The following RALGAPA1 variants were observed in gnomAD, a reference collection of about 807,000 sequenced individuals.
The protein encoded by RALGAPA1 is Ral GTPase activating protein catalytic subunit alpha 1, also known as ral GTPase-activating protein subunit alpha-1.
Under a neutral mutation model 269.6 loss-of-function variants are expected in RALGAPA1, and 52 were observed. That is an observed-to-expected ratio of 0.19 (90% CI 0.15 to 0.24). The LOEUF is 0.24. Among genes scored for constraint, RALGAPA1 ranks in the 10% least tolerant of loss-of-function variants. The pLI is 1.00. For synonymous variants in RALGAPA1, 817 were observed against 1,008.3 expected (o/e 0.81, Z 3.60); for missense variants, 1,917 against 3,013.9 (o/e 0.64, Z 8.52).
chr14:35,802,280 C>A (rs1464569779), intron 1 of RALGAPA1, among the ~76,000 whole-genome samples: 2 of 152,100 alleles, frequency 1.3e-5, no homozygotes, highest in East Asian at 3.9e-4. Context: ...TGCACTCCAG[C>A]CTGGGCAACA....
chr14:35,719,510 C>T (rs2140935685), intron 16 of RALGAPA1, among the ~76,000 whole-genome samples: 1 of 152,148 alleles, frequency 6.6e-6, no homozygotes, highest in African/African-American at 2.4e-5. Context: ...TCACTATGAG[C>T]TATGAAGTCA....
intron 11 of RALGAPA1, 88 bp downstream of exon 11, chr14:35,742,280 G>A (rs2071631654): frequency 1.0e-6 from 1 of 957,372 alleles, no homozygotes; most frequent in Non-Finnish European, 1.6e-6. Context: ...CATTTAATAA[G>A]TATATTTGTG....
chr14:35,757,212 C>A (rs568642204), intron 6 of RALGAPA1, among the ~76,000 whole-genome samples: 2 of 151,484 alleles, frequency 1.3e-5, no homozygotes, highest in South Asian at 4.2e-4. Flanking sequence ...ACCTCCGCCT[C>A]CCAGGTTCAA....
intron 31 of RALGAPA1, among the ~76,000 whole-genome samples, chr14:35,646,000 CA>C: frequency 6.6e-6 from 1 of 151,826 alleles, no homozygotes; most frequent in East Asian, 1.9e-4. Context: ...TTTTGAGCAC[CA>C]AAATAAATAA....
At chr14:35,553,392 A>T (rs746178838) in intron 39 of RALGAPA1, among the ~76,000 whole-genome samples, 3 of 152,226 alleles carry the variant, frequency 2.0e-5, no homozygotes, top group Non-Finnish European at 2.9e-5. Context: ...GATACTGCAG[A>T]AGGTTATGCA....
At chr14:35,706,216 C>T (rs1402877657) in intron 16 of RALGAPA1, among the ~76,000 whole-genome samples, 1 of 152,056 alleles carries the variant, frequency 6.6e-6, no homozygotes, top group Admixed American at 6.6e-5. Context: ...ATTGCCAAAC[C>T]CAAGGTGTCC....
At chr14:35,729,733 G>C (rs1195760880) in intron 12 of RALGAPA1, among the ~76,000 whole-genome samples, 2 of 152,178 alleles carry the variant, frequency 1.3e-5, no homozygotes, top group African/African-American at 4.8e-5. Flanking sequence ...CTGAAAAACA[G>C]CCAGAGTATG....
chr14:35,753,848 C>T (rs1026464865), intron 7 of RALGAPA1, among the ~76,000 whole-genome samples: 25 of 152,084 alleles, frequency 1.6e-4, no homozygotes, highest in Admixed American at 2.0e-4. Context: ...CATCATATCT[C>T]AATAAAGCTG....
At chr14:35,584,216 G>A (rs943720782) in intron 37 of RALGAPA1, among the ~76,000 whole-genome samples, 1 of 152,062 alleles carries the variant, frequency 6.6e-6, no homozygotes, top group Non-Finnish European at 1.5e-5. Flanking sequence ...GGATGGAAAG[G>A]AGGGATTAGG....
At chr14:35,680,585 TTTA>T (rs2065344350) in intron 21 of RALGAPA1, among the ~76,000 whole-genome samples, 1 of 71,504 alleles carries the variant, frequency 1.4e-5, no homozygotes, top group East Asian at 1.0e-3. Context: ...TTTAATTTTA[TTTA>T]TTTATTTATT....
intron 27 of RALGAPA1, among the ~76,000 whole-genome samples, chr14:35,663,068 C>T (rs970008348): frequency 6.6e-6 from 1 of 151,994 alleles, no homozygotes; most frequent in African/African-American, 2.4e-5. Flanking sequence ...CCATGCCCAG[C>T]TAATTTTTTA....
Position 35,725,137 on chromosome 14 carries a change from C to G in RALGAPA1, c.1753G>C (p.Val585Leu), listed in dbSNP as rs1202411732. Residue 585 changes from valine to leucine, a missense_variant, in exon 14 of 42, where the codon GTG becomes CTG. By Grantham distance (32) the Val-to-Leu change is conservative (BLOSUM62 1). Transcript: ENST00000680220. Reference protein sequence around the residue: ...DKKTWEQMLLVLLRVTESVLK... With the variant: ...DKKTWEQMLLLLLRVTESVLK... The stretch of plus-strand genomic sequence containing the variant: ...ACAGATTCCGTGACTCTGAGCAACA[C>G]AAGCAGCATCTGTTCCCTTAAAATA... 6.3e-7 allele frequency: 1 copy of G among 1,575,064 alleles called. No homozygotes were observed. The highest frequency in any genetic ancestry group is 8.6e-7 in the Non-Finnish European group (1 of 1,160,438).
chr14:35,572,492 G>T, intron 38 of RALGAPA1, 68 bp downstream of exon 38: 1 of 1,245,982 alleles, frequency 8.0e-7, no homozygotes. Flanking sequence ...TCTGTAACAT[G>T]GAAAGAAACC....
At position 35,809,046 on chromosome 14, in the gene RALGAPA1, G is replaced by C; in HGVS notation, c.-211C>G. 1.2e-6 allele frequency: 1 copy of C among 814,676 alleles called. No individual in the cohort carries two copies. The highest frequency in any genetic ancestry group is 1.8e-6 in the Non-Finnish European group (1 of 543,218). The allele number at this position is 814,676 out of a possible 1,614,324, so 50.5% of individuals were successfully genotyped here. A position where few individuals can be genotyped will look rare whatever the true frequency, so the allele number is the denominator to read the frequency against. ...CGCGCCGCGGCTCCAAGGCACCTTC[G>C]GCCCCAGCTCCAATATGGCGGATCC... On this transcript the variant is annotated 5_prime_UTR_variant, in exon 1 of 42. Coordinates refer to ENST00000680220, the MANE Select transcript of RALGAPA1 (RefSeq NM_001346249.2).
At chr14:35,675,030 C>T (rs2064824864) in intron 22 of RALGAPA1, among the ~76,000 whole-genome samples, 1 of 152,204 alleles carries the variant, frequency 6.6e-6, no homozygotes, top group Non-Finnish European at 1.5e-5. Flanking sequence ...TAAGCACATA[C>T]TCTCACTTTT....
At chr14:35,795,113 C>T (rs2141844458) in intron 1 of RALGAPA1, among the ~76,000 whole-genome samples, 1 of 152,158 alleles carries the variant, frequency 6.6e-6, no homozygotes, top group East Asian at 1.9e-4. Context: ...CATGTATGGA[C>T]ATCAGGTGAG....
intron 31 of RALGAPA1, among the ~76,000 whole-genome samples, chr14:35,637,306 A>G (rs563832077): frequency 2.0e-5 from 3 of 152,344 alleles, no homozygotes; most frequent in East Asian, 3.9e-4. Flanking sequence ...AAGAAGCTCA[A>G]TGAAATTCAA....
chr14:35,686,056 A>G (rs187936852), intron 19 of RALGAPA1, among the ~76,000 whole-genome samples: 40 of 152,212 alleles, frequency 2.6e-4, no homozygotes, highest in Admixed American at 2.6e-3. Context: ...TATTTGTGCT[A>G]GCAAAACTAT....
At chr14:35,574,274 A>G (rs1158085765) in intron 37 of RALGAPA1, among the ~76,000 whole-genome samples, 1 of 152,206 alleles carries the variant, frequency 6.6e-6, no homozygotes, top group Admixed American at 6.5e-5. Flanking sequence ...TGCCAAAACT[A>G]TCTATAATTT....
Sources: gnomAD v4.1 joint callset for allele counts (sites outside exome capture counted in the v4.1 genomes callset) on GRCh38, gnomAD v4.1.1 for gene constraint, MANE v1.5 for transcripts, NCBI Gene and HGNC (gene_info 2026-07-23, HGNC 2026-07-21) for gene names.